The following CUL2 variants were observed in gnomAD, a reference collection of about 807,000 sequenced individuals.
The protein encoded by CUL2 is cullin-2.
In CUL2, 22 loss-of-function variants were observed where a neutral mutation model predicts 110.2. The ratio of observed to expected loss-of-function variants is 0.20; its 90% CI spans 0.14 to 0.28. The LOEUF is 0.28. Ranked by LOEUF, CUL2 falls within the 10% of genes least tolerant of loss-of-function variation. The probability of loss-of-function intolerance (pLI) is 1.00; values close to 1 mark genes in which losing one functional copy is unlikely to be tolerated. For missense variants in CUL2, 631 were observed against 905.5 expected (o/e 0.70, Z 3.89); for synonymous variants, 279 against 293.2 (o/e 0.95, Z 0.49).
intron 17 of CUL2, among the ~76,000 whole-genome samples, chr10:35,021,825 G>A (rs1300250707): frequency 7.9e-6 from 1 of 126,662 alleles, no homozygotes; most frequent in African/African-American, 3.0e-5. Flanking sequence ...GTGGGGTGAG[G>A]TGAGGCGAGG....
intron 1 of CUL2, among the ~76,000 whole-genome samples, chr10:35,083,154 CAA>C (rs35028347): frequency 0.36 from 39,426 of 110,700 alleles, 5,726 homozygotes; most frequent in Middle Eastern, 0.43. Context: ...GACTCCATCT[CAA>C]AAAAAAAAAA....
chr10:35,050,398 G>A (rs1023290996), intron 5 of CUL2, among the ~76,000 whole-genome samples: 2 of 151,958 alleles, frequency 1.3e-5, no homozygotes, highest in Admixed American at 6.5e-5. Context: ...TACCTAGACC[G>A]TAACAGAAAC....
intron 9 of CUL2, among the ~76,000 whole-genome samples, chr10:35,036,934 C>T (rs762310699): frequency 1.3e-5 from 2 of 152,140 alleles, no homozygotes; most frequent in African/African-American, 2.4e-5. Flanking sequence ...GGGATACTGT[C>T]ATGTTGCCCA....
intron 2 of CUL2, among the ~76,000 whole-genome samples, chr10:35,070,036 T>C (rs961728603): frequency 6.6e-6 from 1 of 152,220 alleles, no homozygotes; most frequent in Non-Finnish European, 1.5e-5. Context: ...TAAGATACTA[T>C]ATTCAAGTCT....
chr10:35,027,030 G>C (rs2085352547), intron 16 of CUL2, among the ~76,000 whole-genome samples: 1 of 151,206 alleles, frequency 6.6e-6, no homozygotes, highest in Admixed American at 6.6e-5. Flanking sequence ...ATAAAAAACA[G>C]CATTTTTCAA....
intron 1 of CUL2, among the ~76,000 whole-genome samples, chr10:35,123,549 T>A (rs1475895119): frequency 1.3e-5 from 2 of 152,202 alleles, no homozygotes; most frequent in Non-Finnish European, 2.9e-5. Context: ...GCATTTAGCA[T>A]AGGGCCTGGA....
chr10:35,063,146 G>T, intron 2 of CUL2, 84 bp from the exon 3 acceptor site: 1 of 785,554 alleles, frequency 1.3e-6, no homozygotes, highest in Non-Finnish European at 2.1e-6. Context: ...ATTAAAAAAT[G>T]AAAAAACATT....
chr10:35,062,549 A>G (rs997876397), intron 3 of CUL2, among the ~76,000 whole-genome samples: 5 of 152,064 alleles, frequency 3.3e-5, no homozygotes, highest in Non-Finnish European at 7.4e-5. Context: ...AGATCTTAAT[A>G]TGTATATATT....
intron 2 of CUL2, among the ~76,000 whole-genome samples, chr10:35,095,723 G>C (rs775762717): frequency 6.6e-6 from 1 of 151,940 alleles, no homozygotes. Context: ...TACACCCAGC[G>C]AATTTTTTTG....
At chr10:35,019,239 C>G (rs114754798) in intron 17 of CUL2, among the ~76,000 whole-genome samples, 1 of 152,076 alleles carries the variant, frequency 6.6e-6, no homozygotes, top group Non-Finnish European at 1.5e-5. Flanking sequence ...AATATGCTGC[C>G]GTGGGTTTGA....
chr10:35,021,141 G>C (rs2085170444), intron 17 of CUL2, among the ~76,000 whole-genome samples: 1 of 151,862 alleles, frequency 6.6e-6, no homozygotes, highest in Non-Finnish European at 1.5e-5. Context: ...AGAAGACTTT[G>C]TAGGGAGCAC....
intron 2 of CUL2, 125 bp downstream of exon 2, chr10:35,071,074 T>A (rs1034043428): frequency 1.1e-6 from 1 of 879,342 alleles, no homozygotes; most frequent in East Asian, 2.6e-5. Context: ...AACTTGGAAA[T>A]GTAGATGATA....
At chr10:35,019,315 G>A (rs1261117692) in intron 17 of CUL2, among the ~76,000 whole-genome samples, 5 of 151,954 alleles carry the variant, frequency 3.3e-5, no homozygotes, top group South Asian at 2.1e-4. Flanking sequence ...GAGATCATGC[G>A]AGGGGCCAAA....
intron 9 of CUL2, among the ~76,000 whole-genome samples, chr10:35,035,855 A>G (rs72789615): frequency 5.8e-4 from 89 of 152,376 alleles, no homozygotes; most frequent in Non-Finnish European, 1.1e-3. Flanking sequence ...TGCCAACAGC[A>G]GAGAGTTCCT....
chr10:35,121,428 T>C (rs1274072419), intron 1 of CUL2, among the ~76,000 whole-genome samples: 1 of 152,208 alleles, frequency 6.6e-6, no homozygotes, highest in Non-Finnish European at 1.5e-5. Context: ...GGTTTCGCCA[T>C]GTTGGCCAGG....
At chr10:35,015,833 T>C (rs1050718911) in intron 18 of CUL2, among the ~76,000 whole-genome samples, 1 of 152,200 alleles carries the variant, frequency 6.6e-6, no homozygotes, top group Non-Finnish European at 1.5e-5. Flanking sequence ...TTTCCTGTTA[T>C]AGAACCATGA....
At chr10:35,025,488 T>C (rs2085314501) in intron 16 of CUL2, among the ~76,000 whole-genome samples, 1 of 152,210 alleles carries the variant, frequency 6.6e-6, no homozygotes, top group Non-Finnish European at 1.5e-5. Context: ...TTCATTATCA[T>C]TTCTGAATAA....
At chr10:35,038,580 A>T (rs1181615515) in intron 9 of CUL2, among the ~76,000 whole-genome samples, 2 of 149,142 alleles carry the variant, frequency 1.3e-5, no homozygotes, top group Non-Finnish European at 3.0e-5. Context: ...TATATTATAT[A>T]AATTATTACA....
At chr10:35,126,956 G>GGGGAGGACGGGGC (rs1241056418), upstream of CUL2, 42 of 152,326 alleles carry the variant, frequency 2.8e-4, no homozygotes, top group African/African-American at 8.9e-4. Flanking sequence ...GCGTGGGGGA[G>GGGGAGGACGGGGC]GGGAGGACGG....
Sources: allele counts gnomAD v4.1 joint callset (sites outside exome capture counted in the v4.1 genomes callset), GRCh38; gene constraint gnomAD v4.1.1; transcripts MANE v1.5; gene names NCBI Gene and HGNC (gene_info 2026-07-23, HGNC 2026-07-21).